The following CYB5R4 variants were observed in gnomAD, a reference collection of about 807,000 sequenced individuals.
CYB5R4 encodes the protein N-terminal cytochrome b5 and cytochrome b5 oxidoreductase domain-containing protein.
CYB5R4 carries 55 observed loss-of-function variants against 70.2 expected under a neutral mutation model. The ratio of observed to expected loss-of-function variants is 0.78; its 90% confidence interval spans 0.63 to 0.98. The LOEUF (loss-of-function observed/expected upper bound fraction) is 0.98, where lower values mean the gene tolerates loss of function less well. Among genes scored for constraint, CYB5R4 ranks in the 50% least tolerant of loss-of-function variants. The probability of loss-of-function intolerance (pLI) is 0.00; values close to 1 mark genes in which losing one functional copy is unlikely to be tolerated. For synonymous variants in CYB5R4, 197 were observed against 199.5 expected (o/e 0.99, Z 0.11); for missense variants, 562 against 612.6 (o/e 0.92, Z 0.87).
chr6:83,874,776 C>T (rs927254506), intron 2 of CYB5R4, among the ~76,000 whole-genome samples: 5 of 151,652 alleles, frequency 3.3e-5, no homozygotes, highest in East Asian at 1.9e-4. Flanking sequence ...ACATCTGTTT[C>T]GTTTTCTTGG....
chr6:83,944,570 A>G (rs1389658829), intron 14 of CYB5R4, among the ~76,000 whole-genome samples: 2 of 152,206 alleles, frequency 1.3e-5, no homozygotes, highest in East Asian at 1.9e-4. Context: ...GACAGGATCA[A>G]ATTCACACAT....
In CYB5R4 at chr6:83,961,521, A is replaced by T. The variant is rs1046683400; in HGVS notation, c.*1643A>T. ...TTTAAAAGTGTGGCACTTCCTCCCC[A>T]CCTCCTGCTGTATTATGAAGAAGGT... On this transcript the variant is annotated 3_prime_UTR_variant, in exon 16 of 16. Coordinates refer to ENST00000369681, the MANE Select transcript of CYB5R4 (RefSeq NM_016230.4). 5 of 151,448 alleles carry T rather than the reference A, an allele frequency of 3.3e-5. No homozygotes were observed. Among genetic ancestry groups the T allele is most frequent in the African/African-American group, 1.2e-4 (5 of 41,196 alleles). The allele number at this position is 151,448 out of a possible 1,614,324, so 9.4% of individuals were successfully genotyped here.
intron 15 of CYB5R4, among the ~76,000 whole-genome samples, chr6:83,959,347 A>G (rs572597142): frequency 6.6e-6 from 1 of 152,326 alleles, no homozygotes; most frequent in South Asian, 2.1e-4. Context: ...CTCTAGATCC[A>G]TATATTAAGT....
At chr6:83,892,077 A>G (rs977563035) in intron 2 of CYB5R4, among the ~76,000 whole-genome samples, 13 of 152,230 alleles carry the variant, frequency 8.5e-5, no homozygotes, top group Non-Finnish European at 1.8e-4. Flanking sequence ...ATTTTGGAGC[A>G]TTAAACAATG....
chr6:83,939,186 G>T (rs1354287669), intron 12 of CYB5R4, among the ~76,000 whole-genome samples: 3 of 152,048 alleles, frequency 2.0e-5, no homozygotes, highest in East Asian at 3.8e-4. Context: ...TTACTATCCT[G>T]CAATGGAAAA....
At chr6:83,953,038 C>G (rs369654880) in intron 14 of CYB5R4, among the ~76,000 whole-genome samples, 57 of 152,244 alleles carry the variant, frequency 3.7e-4, no homozygotes, top group Middle Eastern at 3.4e-3. Context: ...ATAGCACTTT[C>G]GGTTTCTTCC....
chr6:83,936,545 T>C (rs1397484490), intron 12 of CYB5R4, among the ~76,000 whole-genome samples, 169 bp downstream of exon 12: 1 of 152,172 alleles, frequency 6.6e-6, no homozygotes, highest in East Asian at 1.9e-4. Flanking sequence ...ATATTCCTTA[T>C]TTTTATTATT....
chr6:83,942,478 G>A (rs753810097), intron 14 of CYB5R4, among the ~76,000 whole-genome samples: 8 of 152,236 alleles, frequency 5.3e-5, no homozygotes, highest in Admixed American at 2.6e-4. Flanking sequence ...CAGACCAGGA[G>A]ATTCCCTTGG....
intron 12 of CYB5R4, among the ~76,000 whole-genome samples, chr6:83,936,734 G>T (rs1172254307): frequency 6.6e-6 from 1 of 152,040 alleles, no homozygotes; most frequent in African/African-American, 2.4e-5. Flanking sequence ...ATCTTCATTG[G>T]CTTCTGTTTC....
intron 10 of CYB5R4, among the ~76,000 whole-genome samples, chr6:83,924,927 T>G (rs1404455012): frequency 4.6e-5 from 7 of 152,160 alleles, no homozygotes; most frequent in African/African-American, 1.7e-4. Context: ...AGTTTATGCT[T>G]TGTATGTCTG....
chr6:83,930,734 G>A (rs1434080245), intron 10 of CYB5R4, among the ~76,000 whole-genome samples: 2 of 150,240 alleles, frequency 1.3e-5, no homozygotes, highest in African/African-American at 4.9e-5. Context: ...ATGGCATCTA[G>A]AATGGTGAAA....
chr6:83,933,515 T>C (rs2099468461), intron 10 of CYB5R4, among the ~76,000 whole-genome samples: 1 of 152,172 alleles, frequency 6.6e-6, no homozygotes, highest in African/African-American at 2.4e-5. Context: ...TTGAATATTT[T>C]TAGCTTAAAA....
intron 3 of CYB5R4, among the ~76,000 whole-genome samples, chr6:83,900,828 T>A (rs2099462806): frequency 6.6e-6 from 1 of 152,188 alleles, no homozygotes; most frequent in South Asian, 2.1e-4. Flanking sequence ...TGGTAGATCT[T>A]CCTCCATCCC....
intron 3 of CYB5R4, among the ~76,000 whole-genome samples, chr6:83,905,022 T>C (rs2099463541): frequency 6.6e-6 from 1 of 151,832 alleles, no homozygotes; most frequent in Non-Finnish European, 1.5e-5. Flanking sequence ...GTCACTTCTT[T>C]CCTTTTTTTT....
chr6:83,908,902 G>C, intron 3 of CYB5R4, 107 bp from the exon 4 acceptor site: 1 of 763,438 alleles, frequency 1.3e-6, no homozygotes, highest in Non-Finnish European at 2.3e-6. Flanking sequence ...TAGTTTTTAG[G>C]TGTGTGTTGA....
rs2099473059 is a variant in CYB5R4, at chr6:83,959,945, A to G, written c.*67A>G. On this transcript the variant is annotated 3_prime_UTR_variant, in exon 16 of 16. Transcript: ENST00000369681. ...ATTTGTGATTGCTTAGGGTTTTTTA[A>G]GAGAACATTTTTGTACATAACAAAA... 1.6e-6 allele frequency: 2 copies of G among 1,283,128 alleles called. No individual in the cohort carries two copies. The highest frequency in any genetic ancestry group is 1.5e-5 in the African/African-American group (1 of 66,186). The allele number at this position is 1,283,128 out of a possible 1,614,324, so 79.5% of individuals were successfully genotyped here. A position where few individuals can be genotyped will look rare whatever the true frequency, so the allele number is the denominator to read the frequency against.
intron 10 of CYB5R4, among the ~76,000 whole-genome samples, chr6:83,928,332 G>A (rs2099467650): frequency 1.3e-5 from 2 of 152,164 alleles, no homozygotes; most frequent in South Asian, 4.2e-4. Context: ...TGAAATTGAA[G>A]AATACTTTTA....
chr6:83,924,591 A>G lies in CYB5R4; in HGVS notation c.813A>G (p.Thr271=), dbSNP rs530604497. ...NHNSLIPRKD[T]GLYYRKCQLI... Reference sequence around the variant, plus strand: ...ATTCACTTATTCCAAGGAAAGATACAGGTATGCTGTGTTCTTTTGTTACGT... The same window carrying G: ...ATTCACTTATTCCAAGGAAAGATACGGGTATGCTGTGTTCTTTTGTTACGT... Residue 271 remains threonine (T), a splice_region_variant and synonymous_variant, in exon 10 of 16, where the codon ACA becomes ACG. Coordinates refer to ENST00000369681, the MANE Select transcript of CYB5R4 (RefSeq NM_016230.4). 1.9e-6 allele frequency: 3 copies of G among 1,612,074 alleles called. No individual in the cohort carries two copies. The highest frequency in any genetic ancestry group is 4.5e-5 in the East Asian group (2 of 44,770).
chr6:83,936,486 T>A, intron 12 of CYB5R4, 110 bp downstream of exon 12: 1 of 931,604 alleles, frequency 1.1e-6, no homozygotes. Context: ...TCAACATGTC[T>A]ACAACCAAAG....
Sources: allele counts gnomAD v4.1 joint callset (sites outside exome capture counted in the v4.1 genomes callset), GRCh38; gene constraint gnomAD v4.1.1; transcripts MANE v1.5; gene names NCBI Gene and HGNC (gene_info 2026-07-23, HGNC 2026-07-21).